The following ZDHHC15 variants were observed in gnomAD, a reference collection of about 807,000 sequenced individuals.
The protein encoded by ZDHHC15 is zDHHC palmitoyltransferase 15.
A neutral mutation model predicts 31.7 loss-of-function variants in ZDHHC15; 19 were observed. The ratio of observed to expected loss-of-function variants is 0.60; its 90% CI spans 0.42 to 0.88. The LOEUF (loss-of-function observed/expected upper bound fraction) is 0.88. ZDHHC15 is among the 40% of genes least tolerant of loss of function. The pLI, the probability that ZDHHC15 is intolerant of heterozygous loss-of-function variation, is 0.00. For missense variants in ZDHHC15, 209 were observed against 251.2 expected (o/e 0.83, Z 1.14); for synonymous variants, 103 against 90.0 (o/e 1.14, Z -0.82).
At position 75,478,993 on chromosome X, in the gene ZDHHC15, A is replaced by T; in HGVS notation, c.164-8T>A. ...AGAGTATGAGGTAAATAACTGAAAT[A>T]AAAAAAAAATCAGTGTTTATACTAT... is the stretch of plus-strand genomic sequence containing the variant. On this transcript the variant is annotated splice_polypyrimidine_tract_variant and splice_region_variant and intron_variant, in intron 2 of 11. Coordinates refer to ENST00000373367, the MANE Select transcript of ZDHHC15 (RefSeq NM_144969.3). 4 of 945,365 alleles carry T rather than the reference A, an allele frequency of 4.2e-6. No homozygotes were observed. Among genetic ancestry groups the T allele is most frequent in the South Asian group, 2.5e-5 (1 of 39,725 alleles). 77.9% of individuals were successfully genotyped at this position (945,365 alleles called of 1,213,427 possible). A position where few individuals can be genotyped will look rare whatever the true frequency, so the allele number is the denominator to read the frequency against.
chrX:75,455,201 A>C (rs976622794), intron 3 of ZDHHC15, among the ~76,000 whole-genome samples: 2 of 111,503 alleles, frequency 1.8e-5, no homozygotes, highest in Admixed American at 9.6e-5. Flanking sequence ...CAGAGGCCTC[A>C]GAAATAACAC....
At chrX:75,429,040 T>C (rs777391377) in intron 7 of ZDHHC15, 38 bp downstream of exon 7, 4 of 1,198,638 alleles carry the variant, frequency 3.3e-6, no homozygotes, top group Admixed American at 4.6e-5. Flanking sequence ...TGGGTGTGCA[T>C]TTGTTCTAGG....
At chrX:75,407,215 G>A (rs1008848553) in intron 10 of ZDHHC15, among the ~76,000 whole-genome samples, 68 of 110,588 alleles carry the variant, frequency 6.1e-4, no homozygotes, top group Admixed American at 2.8e-3. Flanking sequence ...GTCTCTGCCC[G>A]ACCGCCACCC....
intron 10 of ZDHHC15, among the ~76,000 whole-genome samples, chrX:75,382,512 T>C (rs9887743): frequency 9.0e-6 from 1 of 110,799 alleles, no homozygotes; most frequent in Non-Finnish European, 1.9e-5. Context: ...AGGCCTAGGA[T>C]TCCTACTCTC....
At chrX:75,456,842 C>T (rs1433641195) in intron 3 of ZDHHC15, among the ~76,000 whole-genome samples, 2 of 111,422 alleles carry the variant, frequency 1.8e-5, no homozygotes, top group Non-Finnish European at 3.8e-5. Context: ...GTCAAGGCCA[C>T]ATACTGTAAA....
chrX:75,467,018 A>G (rs2084417446), intron 3 of ZDHHC15, among the ~76,000 whole-genome samples: 1 of 111,799 alleles, frequency 8.9e-6, no homozygotes, highest in Admixed American at 9.5e-5. Context: ...AAATCTGCAT[A>G]TCCTGCACAT....
rs139717451 is a variant in ZDHHC15 at position 75,368,495 on chromosome X, C to A, written c.*4483G>T. 5.4e-5 allele frequency: 6 copies of A among 111,695 alleles called. No homozygotes were observed. In the East Asian group the frequency reaches 1.7e-3, roughly 31 times the overall value. 9.2% of individuals were successfully genotyped at this position (111,695 alleles called of 1,213,427 possible). ...TGGCCAGCATTTGTCAATATTTCTG[C>A]ACCAAGACACATGGTTTTAAGAATA... On this transcript the variant is annotated 3_prime_UTR_variant, in exon 12 of 12. Transcript: ENST00000373367.
intron 10 of ZDHHC15, among the ~76,000 whole-genome samples, chrX:75,416,354 T>C (rs1411420848): frequency 5.4e-5 from 6 of 112,125 alleles, no homozygotes; most frequent in Non-Finnish European, 9.4e-5. Flanking sequence ...CTACTCAAAA[T>C]TGCTGCCAGC....
At chrX:75,377,776 T>A (rs913781345) in intron 11 of ZDHHC15, among the ~76,000 whole-genome samples, 8 of 111,510 alleles carry the variant, frequency 7.2e-5, no homozygotes, top group Non-Finnish European at 1.3e-4. Context: ...AACCTCCTTT[T>A]GGTGAGCCAC....
intron 1 of ZDHHC15, among the ~76,000 whole-genome samples, chrX:75,521,464 C>T (rs968186918): frequency 6.4e-5 from 7 of 109,874 alleles, no homozygotes; most frequent in South Asian, 3.9e-4. Context: ...GAATGGGGAA[C>T]GGGGGGAATT....
At chrX:75,379,393 A>G (rs2083091718) in intron 10 of ZDHHC15, among the ~76,000 whole-genome samples, 195 bp from the exon 11 acceptor site, 1 of 112,377 alleles carries the variant, frequency 8.9e-6, no homozygotes, top group African/African-American at 3.2e-5. Flanking sequence ...CTGCTATACT[A>G]TGAACTAAGA....
At chrX:75,465,368 A>C (rs1425813296) in intron 3 of ZDHHC15, among the ~76,000 whole-genome samples, 2 of 112,188 alleles carry the variant, frequency 1.8e-5, no homozygotes, top group Non-Finnish European at 3.8e-5. Flanking sequence ...TATCGGGAAA[A>C]TGGCCAAACT....
At chrX:75,420,116 C>A (rs2083605198) in intron 9 of ZDHHC15, among the ~76,000 whole-genome samples, 1 of 110,292 alleles carries the variant, frequency 9.1e-6, no homozygotes. Flanking sequence ...AAGAAAAAAC[C>A]AAACAACCCC....
intron 2 of ZDHHC15, among the ~76,000 whole-genome samples, chrX:75,494,584 T>C (rs1218641790): frequency 9.0e-6 from 1 of 111,444 alleles, no homozygotes; most frequent in Non-Finnish European, 1.9e-5. Context: ...CCAAAACAGA[T>C]ATATAGACCA....
chrX:75,504,699 T>C (rs764657243), intron 2 of ZDHHC15, among the ~76,000 whole-genome samples: 1 of 111,799 alleles, frequency 8.9e-6, no homozygotes, highest in Non-Finnish European at 1.9e-5. Context: ...AAGCCTCTAC[T>C]CAATTTGTCT....
chrX:75,474,467 A>G (rs2084558144), intron 3 of ZDHHC15, among the ~76,000 whole-genome samples: 1 of 95,744 alleles, frequency 1.0e-5, no homozygotes, highest in Admixed American at 1.2e-4. Context: ...ACACACACAC[A>G]CACACATATA....
chrX:75,449,641 A>G (rs1390523574), intron 4 of ZDHHC15, among the ~76,000 whole-genome samples: 2 of 112,344 alleles, frequency 1.8e-5, no homozygotes, highest in African/African-American at 6.5e-5. Context: ...TTAATATCAT[A>G]TAATACCAAG....
chrX:75,417,992 G>C (rs1232176587), intron 9 of ZDHHC15, among the ~76,000 whole-genome samples: 2 of 112,234 alleles, frequency 1.8e-5, no homozygotes, highest in African/African-American at 6.5e-5. Context: ...GCACTCTAAA[G>C]AGAATGTAAG....
intron 10 of ZDHHC15, among the ~76,000 whole-genome samples, chrX:75,381,745 T>C (rs2083117400): frequency 9.0e-6 from 1 of 111,628 alleles, no homozygotes; most frequent in Admixed American, 9.5e-5. Context: ...ACCACATTCA[T>C]GTTGTAACTC....
Sources: allele counts gnomAD v4.1 joint callset (sites outside exome capture counted in the v4.1 genomes callset), GRCh38; gene constraint gnomAD v4.1.1; transcripts MANE v1.5; gene names NCBI Gene and HGNC (gene_info 2026-07-23, HGNC 2026-07-21).